The following SIDT1 variants were observed in gnomAD, a reference collection of about 807,000 sequenced individuals.
SIDT1 encodes SID1 transmembrane family, member 1.
In SIDT1, 101 loss-of-function variants were observed where a neutral mutation model predicts 107.5. The ratio of observed to expected loss-of-function variants is 0.94; its 90% CI spans 0.80 to 1.11. The LOEUF (loss-of-function observed/expected upper bound fraction) is 1.11, where lower values mean the gene tolerates loss of function less well. Among genes scored for constraint, SIDT1 ranks in the 50% least tolerant of loss-of-function variants. The pLI is 0.00. For synonymous variants in SIDT1, 395 were observed against 398.2 expected (o/e 0.99, Z 0.10); for missense variants, 1,076 against 1,058.2 (o/e 1.02, Z -0.23).
chr3:113,624,665 C>A (rs1378284676), intron 23 of SIDT1, among the ~76,000 whole-genome samples: 1 of 152,042 alleles, frequency 6.6e-6, no homozygotes, highest in Non-Finnish European at 1.5e-5. Context: ...CATGTATATT[C>A]TTTGGTTTTT....
At chr3:113,535,073 A>G (rs1177328998) in intron 1 of SIDT1, among the ~76,000 whole-genome samples, 5 of 152,166 alleles carry the variant, frequency 3.3e-5, no homozygotes, top group African/African-American at 4.8e-5. Flanking sequence ...GGAGTTCAAG[A>G]CCAGCCTGGA....
At chr3:113,614,954 G>T in intron 19 of SIDT1, 1 of 1,159,578 alleles carries the variant, frequency 8.6e-7, no homozygotes. Flanking sequence ...CAAAATTAAA[G>T]TCATCCATCT....
At chr3:113,629,711 A>C (rs1051645610), downstream of SIDT1, 1 of 152,270 alleles carries the variant, frequency 6.6e-6, no homozygotes, top group Non-Finnish European at 1.5e-5. Flanking sequence ...TTTCAGATGC[A>C]TAACCTGTTT....
rs765993825 is a variant in SIDT1 at position 113,598,698 on chromosome 3, G to T, written c.1046-2890G>T. 6.6e-5 allele frequency among the ~76,000 whole-genome samples: 10 copies of T among 152,226 alleles called. No homozygotes were observed. In the East Asian group the frequency reaches 1.9e-3, roughly 29 times the overall value. ...TTTAAAACATATGGTAATATTATATGATAAAATATATGGTAAAATATATGA... is the reference window on the plus strand; with the variant it reads ...TTTAAAACATATGGTAATATTATATTATAAAATATATGGTAAAATATATGA... On this transcript the variant is annotated intron_variant, in intron 10 of 24. Transcript: ENST00000264852.
intron 1 of SIDT1, among the ~76,000 whole-genome samples, chr3:113,538,487 G>A (rs765747132): frequency 8.5e-5 from 13 of 152,162 alleles, no homozygotes; most frequent in Non-Finnish European, 1.3e-4. Flanking sequence ...AATACATACC[G>A]GATATTGAAG....
intron 1 of SIDT1, among the ~76,000 whole-genome samples, chr3:113,542,936 G>GTGTGTGTGTGTT (rs1553777630): frequency 2.5e-5 from 3 of 118,428 alleles, no homozygotes; most frequent in African/African-American, 9.5e-5. Context: ...GTGTGTGTGT[G>GTGTGTGTGTGTT]TGTTTGTTTG....
chr3:113,630,938 C>T (rs1330918332), downstream of SIDT1, among the ~76,000 whole-genome samples: 1 of 152,162 alleles, frequency 6.6e-6, no homozygotes, highest in Non-Finnish European at 1.5e-5. Context: ...GTCCTCAGCT[C>T]CAGGCCCTGA....
At chr3:113,619,180 A>C (rs978653421) in intron 20 of SIDT1, among the ~76,000 whole-genome samples, 2 of 152,166 alleles carry the variant, frequency 1.3e-5, no homozygotes, top group African/African-American at 4.8e-5. Flanking sequence ...AAGAGTCTAT[A>C]TTGTAGACAC....
intron 1 of SIDT1, among the ~76,000 whole-genome samples, chr3:113,551,659 C>T (rs919362436): frequency 9.9e-5 from 15 of 152,108 alleles, no homozygotes; most frequent in Non-Finnish European, 8.8e-5. Context: ...TTTCCCCCAA[C>T]GAATTGTCCA....
intron 12 of SIDT1, 74 bp downstream of exon 12, chr3:113,603,224 CA>C: frequency 6.9e-7 from 1 of 1,449,534 alleles, no homozygotes; most frequent in Non-Finnish European, 9.4e-7. Flanking sequence ...AGCAATACCT[CA>C]GTTTCCTTTA....
At chr3:113,587,764 A>G (rs1943849098) in intron 9 of SIDT1, among the ~76,000 whole-genome samples, 1 of 152,194 alleles carries the variant, frequency 6.6e-6, no homozygotes, top group African/African-American at 2.4e-5. Flanking sequence ...ACAGCCAGTA[A>G]ATGAAGGAGC....
chr3:113,538,788 T>C (rs1938479846), intron 1 of SIDT1, among the ~76,000 whole-genome samples: 1 of 152,178 alleles, frequency 6.6e-6, no homozygotes, highest in Admixed American at 6.5e-5. Context: ...AGGTAAGCAG[T>C]ATTTTGGTCG....
At chr3:113,624,633 T>C (rs535047212) in intron 23 of SIDT1, among the ~76,000 whole-genome samples, 2 of 152,312 alleles carry the variant, frequency 1.3e-5, no homozygotes, top group East Asian at 1.9e-4. Flanking sequence ...TTTTAAAATG[T>C]GCAGTTCAGT....
chr3:113,618,203 C>A (rs1434755890), intron 20 of SIDT1, among the ~76,000 whole-genome samples: 1 of 152,162 alleles, frequency 6.6e-6, no homozygotes, highest in Non-Finnish European at 1.5e-5. Flanking sequence ...TGCCTTCTTC[C>A]ACTTAGTAAT....
downstream of SIDT1, among the ~76,000 whole-genome samples, chr3:113,632,487 G>C (rs551457362): frequency 6.6e-6 from 1 of 152,298 alleles, no homozygotes; most frequent in East Asian, 1.9e-4. Context: ...ACATATTTAG[G>C]CATGAGGTTT....
At chr3:113,604,276 G>A (rs1023611993) in intron 13 of SIDT1, among the ~76,000 whole-genome samples, 16 of 152,190 alleles carry the variant, frequency 1.1e-4, no homozygotes, top group African/African-American at 3.6e-4. Context: ...CCCAAGCTGA[G>A]TATTCTACTC....
At chr3:113,546,173 TGATAA>T (rs1939564360) in intron 1 of SIDT1, among the ~76,000 whole-genome samples, 1 of 152,190 alleles carries the variant, frequency 6.6e-6, no homozygotes, top group Non-Finnish European at 1.5e-5. Context: ...TTTTCCCCAC[TGATAA>T]GATGAGAGGA....
rs41271373 is a variant in SIDT1 at position 113,627,725 on chromosome 3, G to A, written c.*17G>A. On this transcript the variant is annotated 3_prime_UTR_variant, in exon 25 of 25. Transcript: ENST00000264852. ...GTCTTCTGAACCTCCAACATTAAGA[G>A]AGGGGAGGGAGCGATCAATCTTGGT... is the stretch of plus-strand genomic sequence containing the variant. The A allele has an allele frequency of 6.2e-7, 1 of 1,611,942 alleles. No individual in the cohort carries two copies. Among genetic ancestry groups the A allele is most frequent in the Non-Finnish European group, 8.5e-7 (1 of 1,178,952 alleles).
rs1288896278 is a variant in SIDT1 at position 113,580,796 on chromosome 3, C to T, written c.663+87C>T. 6 of 852,664 alleles carry T rather than the reference C, an allele frequency of 7.0e-6. No individual in the cohort carries two copies. In the African/African-American group the frequency reaches 8.3e-5, roughly 12 times the overall value. The allele number at this position is 852,664 out of a possible 1,614,324, so 52.8% of individuals were successfully genotyped here. ...AAAGAGAAGGGTGGAAGCATGCCAT[C>T]CTCTTACTGTGTATCTCCCTTCCAA... On this transcript the variant is annotated intron_variant, in intron 5 of 24. Coordinates refer to ENST00000264852, the MANE Select transcript of SIDT1 (RefSeq NM_017699.3).
Sources: allele counts gnomAD v4.1 joint callset (sites outside exome capture counted in the v4.1 genomes callset), GRCh38; gene constraint gnomAD v4.1.1; transcripts MANE v1.5; gene names NCBI Gene and HGNC (gene_info 2026-07-23, HGNC 2026-07-21).